The following MTMR2 variants were observed in gnomAD, a reference collection of about 807,000 sequenced individuals.
The protein encoded by MTMR2 is phosphatidylinositol-3,5-bisphosphate 3-phosphatase MTMR2.
Under a neutral mutation model 86.9 loss-of-function variants are expected in MTMR2, and 55 were observed. That is an observed-to-expected ratio of 0.63 (90% CI 0.51 to 0.79). The LOEUF (loss-of-function observed/expected upper bound fraction) is 0.79, where lower values mean the gene tolerates loss of function less well. Ranked by LOEUF, MTMR2 falls within the 30% of genes least tolerant of loss-of-function variation. The pLI is 0.00. For missense variants in MTMR2, 659 were observed against 772.3 expected, an observed-to-expected ratio of 0.85 and a Z score of 1.74; for synonymous variants, 241 against 266.8, an observed-to-expected ratio of 0.90 and a Z score of 0.94.
intron 2 of MTMR2, among the ~76,000 whole-genome samples, chr11:95,868,216 G>T (rs550768984): frequency 1.1e-4 from 14 of 129,062 alleles, no homozygotes; most frequent in African/African-American, 4.1e-4. Context: ...AGGCTTCAGT[G>T]AGCTGTGATG....
intron 2 of MTMR2, among the ~76,000 whole-genome samples, chr11:95,874,267 A>T (rs2135511523): frequency 6.6e-6 from 1 of 152,252 alleles, no homozygotes; most frequent in Non-Finnish European, 1.5e-5. Flanking sequence ...TGCTTTATGA[A>T]TCTGGGTGCT....
intron 2 of MTMR2, among the ~76,000 whole-genome samples, chr11:95,876,114 C>G (rs891836505): frequency 6.6e-6 from 1 of 152,226 alleles, no homozygotes; most frequent in Non-Finnish European, 1.5e-5. Context: ...AGAACCACTA[C>G]TCTCTTCAAA....
intron 2 of MTMR2, among the ~76,000 whole-genome samples, chr11:95,866,249 A>G (rs948704290): frequency 6.6e-6 from 1 of 152,214 alleles, no homozygotes; most frequent in Admixed American, 6.5e-5. Flanking sequence ...CTTTTGAAGG[A>G]TGCTACACTA....
intron 1 of MTMR2, among the ~76,000 whole-genome samples, chr11:95,917,715 A>G (rs928060912): frequency 5.9e-5 from 9 of 152,194 alleles, no homozygotes; most frequent in African/African-American, 1.9e-4. Context: ...AAAGAAAAGA[A>G]AATACATTTA....
chr11:95,886,665 T>C (rs1016894145), intron 2 of MTMR2, among the ~76,000 whole-genome samples: 2 of 152,168 alleles, frequency 1.3e-5, no homozygotes, highest in Non-Finnish European at 2.9e-5. Context: ...CATAAGCAAG[T>C]AGCATAAGTG....
At chr11:95,900,273 A>G (rs1866023094) in intron 1 of MTMR2, among the ~76,000 whole-genome samples, 1 of 152,142 alleles carries the variant, frequency 6.6e-6, no homozygotes. Flanking sequence ...TTCTATGGAG[A>G]GGTTACAGCT....
intron 1 of MTMR2, among the ~76,000 whole-genome samples, chr11:95,899,714 T>C (rs1866002809): frequency 6.6e-6 from 1 of 151,440 alleles, no homozygotes; most frequent in South Asian, 2.1e-4. Context: ...GCTTGAAAGA[T>C]GTCATATTTG....
At chr11:95,843,258 G>T (rs1475759494) in intron 11 of MTMR2, among the ~76,000 whole-genome samples, 29 of 152,126 alleles carry the variant, frequency 1.9e-4, no homozygotes, top group Admixed American at 1.9e-3. Context: ...CAATGGTGAT[G>T]ATTAACAAGT....
At position 95,849,657 on chromosome 11, in the gene MTMR2, C is replaced by T; in HGVS notation, c.993+17G>A. 6.3e-7 allele frequency: 1 copy of T among 1,588,618 alleles called. No individual in the cohort carries two copies. Among genetic ancestry groups the T allele is most frequent in the South Asian group, 1.1e-5 (1 of 90,974 alleles). On this transcript the variant is annotated intron_variant, in intron 9 of 14. Coordinates refer to ENST00000346299, the MANE Select transcript of MTMR2 (RefSeq NM_016156.6). ...ATTCATGAAACCATAATTATAATTA[C>T]TAAGAGACCATCTGACCTTGTTGGC...
At chr11:95,873,125 C>A (rs181178137) in intron 2 of MTMR2, among the ~76,000 whole-genome samples, 2,523 of 152,284 alleles carry the variant, frequency 0.017, 32 homozygotes, top group South Asian at 0.062. Context: ...ATGATGCTGG[C>A]CTCATCAAAT....
At chr11:95,901,722 C>T (rs763710173) in intron 1 of MTMR2, among the ~76,000 whole-genome samples, 2 of 152,078 alleles carry the variant, frequency 1.3e-5, no homozygotes, top group Non-Finnish European at 2.9e-5. Context: ...ATAACACAAA[C>T]GTATACCCCA....
intron 7 of MTMR2, among the ~76,000 whole-genome samples, chr11:95,854,779 A>G (rs1291404939): frequency 6.8e-6 from 1 of 147,552 alleles, no homozygotes; most frequent in African/African-American, 2.5e-5. Flanking sequence ...CATTATCTTT[A>G]TACAGATTTT....
chr11:95,909,029 T>A (rs1455714883), intron 1 of MTMR2, among the ~76,000 whole-genome samples: 1 of 152,132 alleles, frequency 6.6e-6, no homozygotes, highest in Non-Finnish European at 1.5e-5. Flanking sequence ...CACCATAAGA[T>A]CAAAACAGTA....
intron 1 of MTMR2, among the ~76,000 whole-genome samples, chr11:95,918,012 T>C (rs536912583): frequency 6.6e-6 from 1 of 152,314 alleles, no homozygotes; most frequent in East Asian, 1.9e-4. Flanking sequence ...AAAAATGCCT[T>C]AGGAAATTTC....
rs760768801 is a variant in MTMR2 at position 95,835,365 on chromosome 11, A to G, written c.1857T>C (p.Ser619=). The G allele has an allele frequency of 6.2e-7, 1 of 1,613,208 alleles. No homozygotes were observed. ...KKVEELQREI[S]NRSTSSSERA... ...TCTCTGAGGATGAGGTTGATCGGTT[A>G]GAAATCTCTCTCTGTAGTTCCTCTA... The change falls in exon 15 of 15, where the codon TCT becomes TCC. Residue 619 remains serine, a synonymous_variant. Coordinates refer to ENST00000346299, the MANE Select transcript of MTMR2 (RefSeq NM_016156.6).
chr11:95,837,846 CTT>C (rs974449733), intron 13 of MTMR2, among the ~76,000 whole-genome samples: 2 of 152,030 alleles, frequency 1.3e-5, no homozygotes, highest in Non-Finnish European at 2.9e-5. Context: ...CTTCAGTTCT[CTT>C]TAGCAGAAAC....
At chr11:95,844,556 G>T (rs1359844134) in intron 11 of MTMR2, among the ~76,000 whole-genome samples, 3 of 152,138 alleles carry the variant, frequency 2.0e-5, no homozygotes, top group Admixed American at 1.3e-4. Flanking sequence ...TATACCAAGG[G>T]ACAACTGTAT....
Position 95,833,393 on chromosome 11 carries a change from A to G in MTMR2, c.*1897T>C, listed in dbSNP as rs964441430. ...CATGTAACTGTCAATTCAAATATTTAAAAGTTTTGCTTGTGTAAATATATA... is the reference window on the plus strand; with the variant it reads ...CATGTAACTGTCAATTCAAATATTTGAAAGTTTTGCTTGTGTAAATATATA... On this transcript the variant is annotated 3_prime_UTR_variant, in exon 15 of 15. Coordinates refer to ENST00000346299, the MANE Select transcript of MTMR2 (RefSeq NM_016156.6). 1.3e-5 allele frequency: 2 copies of G among 152,108 alleles called. No individual in the cohort carries two copies. Among genetic ancestry groups the G allele is most frequent in the East Asian group, 3.9e-4 (2 of 5,194 alleles). The allele number at this position is 152,108 out of a possible 1,614,324, so 9.4% of individuals were successfully genotyped here.
intron 1 of MTMR2, among the ~76,000 whole-genome samples, chr11:95,923,313 G>A (rs1192003024): frequency 1.3e-5 from 2 of 152,184 alleles, no homozygotes; most frequent in Non-Finnish European, 2.9e-5. Flanking sequence ...GAAAAGAGAA[G>A]CACAGGAGAC....
Sources: gnomAD v4.1 joint callset for allele counts (sites outside exome capture counted in the v4.1 genomes callset) on GRCh38, gnomAD v4.1.1 for gene constraint, MANE v1.5 for transcripts, NCBI Gene and HGNC (gene_info 2026-07-23, HGNC 2026-07-21) for gene names.